The following TOX3 variants were observed in gnomAD, a reference collection of about 807,000 sequenced individuals.
TOX3 encodes CAG trinucleotide repeat-containing gene F9 protein.
Under a neutral mutation model 64.3 loss-of-function variants are expected in TOX3, and 22 were observed. That is an observed-to-expected ratio of 0.34 (90% confidence interval 0.24 to 0.49). The LOEUF (loss-of-function observed/expected upper bound fraction) is 0.49, where lower values mean the gene tolerates loss of function less well. TOX3 is among the 20% of genes least tolerant of loss of function. The pLI is 0.99. For missense variants in TOX3, 661 were observed against 714.4 expected, an observed-to-expected ratio of 0.93 and a Z score of 0.85; for synonymous variants, 291 against 273.6, an observed-to-expected ratio of 1.06 and a Z score of -0.63.
Position 52,546,715 on chromosome 16 carries a change from C to T in TOX3, c.9G>A (p.Val3=). ...CCCCGGCCGCCGCGGGGTAGAACCT[C>T]ACATCCATGCCGAAGCTGGGCCCGG... The part of the protein sequence containing the change: MD[V]RFYPAAAGDP... Residue 3 remains valine (V), a synonymous_variant, in exon 1 of 7, where the codon GTG becomes GTA. Coordinates refer to ENST00000219746, the MANE Select transcript of TOX3 (RefSeq NM_001080430.4). 5 of 1,523,258 alleles carry T rather than the reference C, an allele frequency of 3.3e-6. No homozygotes were observed. Among genetic ancestry groups the T allele is most frequent in the Non-Finnish European group, 4.4e-6 (5 of 1,139,794 alleles). The allele number at this position is 1,523,258 out of a possible 1,614,324, so 94.4% of individuals were successfully genotyped here.
At chr16:52,457,560 TAAAC>T (rs1456330001) in intron 3 of TOX3, among the ~76,000 whole-genome samples, 1 of 152,200 alleles carries the variant, frequency 6.6e-6, no homozygotes, top group Non-Finnish European at 1.5e-5. Flanking sequence ...ATGAAGTAAT[TAAAC>T]AATTATCAGC....
At chr16:52,485,944 C>T (rs1961519017) in intron 1 of TOX3, among the ~76,000 whole-genome samples, 1 of 152,130 alleles carries the variant, frequency 6.6e-6, no homozygotes, top group African/African-American at 2.4e-5. Context: ...TGTGGCAATG[C>T]CATTCATCAA....
rs1291995855 is a variant in TOX3 at position 52,438,564 on chromosome 16, C to T, written c.*661G>A. On this transcript the variant is annotated 3_prime_UTR_variant, in exon 7 of 7. Coordinates refer to ENST00000219746, the MANE Select transcript of TOX3 (RefSeq NM_001080430.4). ...CTAACAGTGGTCATAGATATTGTTA[C>T]AACATATACTGTGGTTTGATTTGGA... 6.0e-6 allele frequency: 1 copy of T among 166,674 alleles called. No homozygotes were observed. Among genetic ancestry groups the T allele is most frequent in the Non-Finnish European group, 1.3e-5 (1 of 77,230 alleles). 10.3% of individuals were successfully genotyped at this position (166,674 alleles called of 1,614,324 possible). A position where few individuals can be genotyped will look rare whatever the true frequency, so the allele number is the denominator to read the frequency against.
At chr16:52,485,267 T>TATATATATATATAC (rs1163640369) in intron 1 of TOX3, among the ~76,000 whole-genome samples, 70 of 137,856 alleles carry the variant, frequency 5.1e-4, no homozygotes, top group African/African-American at 1.7e-3. Context: ...TATATATATA[T>TATATATATATATAC]ATATACATAT....
chr16:52,509,834 T>C (rs1038332114), intron 1 of TOX3, among the ~76,000 whole-genome samples: 2 of 152,204 alleles, frequency 1.3e-5, no homozygotes, highest in Non-Finnish European at 2.9e-5. Flanking sequence ...TTGATATTAG[T>C]AGTTTCATTA....
In TOX3 at chr16:52,470,784, C is replaced by T. The variant is rs549901413; in HGVS notation, c.88-2210G>A. On this transcript the variant is annotated intron_variant, in intron 1 of 6. Transcript: ENST00000219746. ...CTCCAGTGGTCCAGGTAATTTGAAA[C>T]GCTCTTACCTGAAGTACTGAGCTAG... 5.3e-5 allele frequency among the ~76,000 whole-genome samples: 8 copies of T among 152,308 alleles called. No homozygotes were observed. The South Asian group carries it at 8.3e-4, about 16-fold the overall frequency.
At chr16:52,509,746 T>C (rs1210891983) in intron 1 of TOX3, among the ~76,000 whole-genome samples, 1 of 152,218 alleles carries the variant, frequency 6.6e-6, no homozygotes, top group Non-Finnish European at 1.5e-5. Flanking sequence ...AATGTTTAAA[T>C]ACATATAAAC....
chr16:52,453,458 A>G (rs1235705115), intron 3 of TOX3, among the ~76,000 whole-genome samples: 1 of 152,204 alleles, frequency 6.6e-6, no homozygotes, highest in Non-Finnish European at 1.5e-5. Flanking sequence ...TGCTGGGATT[A>G]CAGGCATGAG....
intron 4 of TOX3, 97 bp downstream of exon 4, chr16:52,450,180 T>C: frequency 6.9e-7 from 1 of 1,439,214 alleles, no homozygotes; most frequent in Non-Finnish European, 9.6e-7. Flanking sequence ...TCCAAATCCA[T>C]GAAGACAAAC....
chr16:52,537,250 T>G (rs1962971043), intron 1 of TOX3, among the ~76,000 whole-genome samples: 1 of 151,786 alleles, frequency 6.6e-6, no homozygotes, highest in South Asian at 2.1e-4. Flanking sequence ...CAACCTAGGA[T>G]CTTTCACCAG....
intron 3 of TOX3, among the ~76,000 whole-genome samples, chr16:52,463,405 G>A (rs188426865): frequency 2.0e-5 from 3 of 152,216 alleles, no homozygotes; most frequent in Admixed American, 6.5e-5. Context: ...AATAAATAAC[G>A]CAATTAGGTG....
chr16:52,505,325 T>C (rs1254133031), intron 1 of TOX3, among the ~76,000 whole-genome samples: 1 of 152,218 alleles, frequency 6.6e-6, no homozygotes, highest in Non-Finnish European at 1.5e-5. Flanking sequence ...CCAATAGCTC[T>C]AATTTTGTTA....
chr16:52,448,460 G>A (rs143319785), intron 4 of TOX3, among the ~76,000 whole-genome samples: 96 of 152,218 alleles, frequency 6.3e-4, no homozygotes, highest in African/African-American at 2.2e-3. Flanking sequence ...AACCCCATCT[G>A]ATCATATCCC....
chr16:52,448,363 A>T (rs1420542), intron 4 of TOX3, among the ~76,000 whole-genome samples: 55,694 of 152,030 alleles, frequency 0.37, 14,302 homozygotes, highest in African/African-American at 0.71. Flanking sequence ...CAATTTCAGT[A>T]TGGTACAGTG....
intron 1 of TOX3, chr16:52,519,448 G>A (rs1567347825): frequency 6.4e-7 from 1 of 1,551,556 alleles, no homozygotes; most frequent in Non-Finnish European, 8.7e-7. Flanking sequence ...TCTCCTCAAT[G>A]CGCCTGGCTC....
intron 3 of TOX3, among the ~76,000 whole-genome samples, chr16:52,454,519 C>T (rs1035468961): frequency 3.3e-5 from 5 of 152,146 alleles, no homozygotes; most frequent in East Asian, 1.9e-4. Flanking sequence ...TAGTATAAGA[C>T]GATTAATGGC....
chr16:52,480,367 C>T (rs1961336494), intron 1 of TOX3, among the ~76,000 whole-genome samples: 1 of 152,198 alleles, frequency 6.6e-6, no homozygotes, highest in Admixed American at 6.5e-5. Context: ...TTTCCTTGTA[C>T]TGCCAGACTT....
chr16:52,529,596 G>T (rs1052918992), intron 1 of TOX3, among the ~76,000 whole-genome samples: 2 of 152,206 alleles, frequency 1.3e-5, no homozygotes, highest in African/African-American at 4.8e-5. Context: ...TAGATGGCCA[G>T]CACACAGGAA....
At chr16:52,474,467 A>T (rs1417106010) in intron 1 of TOX3, among the ~76,000 whole-genome samples, 1 of 152,106 alleles carries the variant, frequency 6.6e-6, no homozygotes, top group Non-Finnish European at 1.5e-5. Context: ...ACTAAAAAAA[A>T]AATTATAGGC....
Sources: gnomAD v4.1 joint callset for allele counts (sites outside exome capture counted in the v4.1 genomes callset) on GRCh38, gnomAD v4.1.1 for gene constraint, MANE v1.5 for transcripts, NCBI Gene and HGNC (gene_info 2026-07-23, HGNC 2026-07-21) for gene names.